The following KALRN variants were observed in gnomAD, a reference collection of about 807,000 sequenced individuals.
The protein encoded by KALRN is kalirin RhoGEF kinase.
A neutral mutation model predicts 353.7 loss-of-function variants in KALRN; 70 were observed. That is an observed-to-expected ratio of 0.20 (90% CI 0.16 to 0.24). The LOEUF is 0.24. Among genes scored for constraint, KALRN ranks in the 10% least tolerant of loss-of-function variants. The pLI is 1.00. For missense variants in KALRN, 2,791 were observed against 3,756.7 expected (o/e 0.74, Z 6.72); for synonymous variants, 1,391 against 1,434.8 (o/e 0.97, Z 0.69).
chr3:124,626,632 A>G (rs954915951), intron 34 of KALRN, among the ~76,000 whole-genome samples: 1 of 152,206 alleles, frequency 6.6e-6, no homozygotes, highest in Admixed American at 6.5e-5. Context: ...GGCAGTTTCT[A>G]AAGCTTCTTT....
At chr3:124,308,246 A>G (rs987991362) in intron 6 of KALRN, among the ~76,000 whole-genome samples, 9 of 152,048 alleles carry the variant, frequency 5.9e-5, no homozygotes, top group Middle Eastern at 3.2e-3. Context: ...ACCCCCTTTT[A>G]ATAATGGATG....
chr3:124,538,591 G>A (rs2068737743), intron 33 of KALRN, among the ~76,000 whole-genome samples: 1 of 152,200 alleles, frequency 6.6e-6, no homozygotes, highest in African/African-American at 2.4e-5. Context: ...GAGCAGGAGG[G>A]AGACAGACCT....
At chr3:124,115,206 A>C (rs1257148902) in intron 1 of KALRN, among the ~76,000 whole-genome samples, 1 of 152,194 alleles carries the variant, frequency 6.6e-6, no homozygotes, top group Non-Finnish European at 1.5e-5. Context: ...AATGTGTATG[A>C]AGGAGATTAG....
chr3:124,106,251 T>A (rs2149464037), intron 1 of KALRN, among the ~76,000 whole-genome samples: 1 of 152,006 alleles, frequency 6.6e-6, no homozygotes, highest in Admixed American at 6.5e-5. Flanking sequence ...GTAGAAAAAG[T>A]GAAAAATGAG....
Position 124,632,424 on chromosome 3 carries a change from A to G in KALRN, c.5187A>G (p.Ala1729=). The G allele has an allele frequency of 6.2e-7, 1 of 1,613,666 alleles. No individual in the cohort carries two copies. The highest frequency in any genetic ancestry group is 1.1e-5 in the South Asian group (1 of 91,056). Residue 1729 remains alanine (A), a synonymous_variant, in exon 35 of 60, where the codon GCA becomes GCG. Transcript: ENST00000682506. ...MDCFFPLVKD[A]YSHSSSENGG... Reference sequence around the variant, plus strand: ...GTGTCTGTCCGTTTTCCTCAGATGCATACTCTCATTCCTCAAGCGAGAATG... The same window carrying G: ...GTGTCTGTCCGTTTTCCTCAGATGCGTACTCTCATTCCTCAAGCGAGAATG...
At chr3:124,247,951 A>C (rs957433680) in intron 3 of KALRN, among the ~76,000 whole-genome samples, 1 of 152,358 alleles carries the variant, frequency 6.6e-6, no homozygotes, top group East Asian at 1.9e-4. Context: ...TTTAGAAAAA[A>C]AGATTTATTC....
chr3:124,060,051 TCTC>T (rs2041871614), intron 1 of KALRN, among the ~76,000 whole-genome samples: 2 of 152,162 alleles, frequency 1.3e-5, no homozygotes, highest in African/African-American at 4.8e-5. Context: ...TTGCCAGACT[TCTC>T]CTGAGAATCT....
intron 13 of KALRN, chr3:124,410,062 G>T: frequency 2.7e-6 from 1 of 372,542 alleles, no homozygotes. Flanking sequence ...AGGGTAAGGA[G>T]AGGAGATGAA....
intron 1 of KALRN, among the ~76,000 whole-genome samples, chr3:124,149,959 T>C (rs1031145059): frequency 6.6e-6 from 1 of 152,244 alleles, no homozygotes. Flanking sequence ...GTTTCTTGGC[T>C]TGGCTTATTG....
chr3:124,195,083 A>G (rs1560199756), intron 1 of KALRN, among the ~76,000 whole-genome samples: 1 of 152,142 alleles, frequency 6.6e-6, no homozygotes, highest in Non-Finnish European at 1.5e-5. Flanking sequence ...CTGTTTGCAA[A>G]GTTGGCTTAT....
chr3:124,220,420 C>G (rs1352713505), intron 1 of KALRN, among the ~76,000 whole-genome samples: 1 of 151,498 alleles, frequency 6.6e-6, no homozygotes, highest in African/African-American at 2.4e-5. Context: ...GTGTGTGTAT[C>G]TTTCTCTCTA....
chr3:124,349,747 A>T (rs554213931), intron 10 of KALRN, among the ~76,000 whole-genome samples: 2 of 152,218 alleles, frequency 1.3e-5, no homozygotes, highest in Non-Finnish European at 2.9e-5. Context: ...CTCATAGCCA[A>T]TGAGGACCTT....
chr3:124,674,875 T>C, intron 49 of KALRN: 2 of 372,228 alleles, frequency 5.4e-6, no homozygotes, highest in Non-Finnish European at 4.8e-6. Flanking sequence ...TTTTCCCCCT[T>C]TCTCCCCCAC....
intron 33 of KALRN, among the ~76,000 whole-genome samples, chr3:124,534,730 G>A (rs973417071): frequency 6.6e-6 from 1 of 152,096 alleles, no homozygotes; most frequent in African/African-American, 2.4e-5. Flanking sequence ...GATATGAGGT[G>A]TCTAATTCTA....
chr3:124,629,590 T>C (rs1299040891), intron 34 of KALRN, among the ~76,000 whole-genome samples: 1 of 152,212 alleles, frequency 6.6e-6, no homozygotes, highest in Admixed American at 6.5e-5. Context: ...TCCTGCTGTT[T>C]CTCCCTTTTG....
At chr3:124,209,225 CCAGGTGCAGTGGCT>C (rs902425283) in intron 1 of KALRN, among the ~76,000 whole-genome samples, 4 of 151,936 alleles carry the variant, frequency 2.6e-5, no homozygotes, top group African/African-American at 9.7e-5. Flanking sequence ...CATGTCTGGG[CCAGGTGCAGTGGCT>C]CACACCTGTA....
intron 33 of KALRN, among the ~76,000 whole-genome samples, chr3:124,525,294 G>A (rs2067493132): frequency 6.6e-6 from 1 of 152,094 alleles, no homozygotes; most frequent in South Asian, 2.1e-4. Flanking sequence ...TTTCTGGGAT[G>A]GTGGAATAAG....
Position 124,633,898 on chromosome 3 carries a change from C to T in KALRN, c.5513C>T (p.Thr1838Ile). ...GEDEPDEESH[T>I]PLPPPMKIFD... ...GATGAGCCGGATGAAGAGTCACACA[C>T]ACCCCTCCCACCACCTATGAAGATT... is the stretch of plus-strand genomic sequence containing the variant. The change falls in exon 36 of 60, where the codon ACA becomes ATA. Residue 1838 changes from threonine (T) to isoleucine (I), a missense_variant. Physicochemically the swap from Thr to Ile is moderately conservative, Grantham distance 89. Transcript: ENST00000682506. The T allele has an allele frequency of 5.0e-6, 8 of 1,614,136 alleles. No homozygotes were observed. The highest frequency in any genetic ancestry group is 6.8e-6 in the Non-Finnish European group (8 of 1,180,008).
At chr3:124,611,663 T>G (rs557679467) in intron 34 of KALRN, among the ~76,000 whole-genome samples, 1 of 152,210 alleles carries the variant, frequency 6.6e-6, no homozygotes, top group Non-Finnish European at 1.5e-5. Flanking sequence ...CCGGCCCCTT[T>G]TAAAACACTC....
Sources: gnomAD v4.1 joint callset for allele counts (sites outside exome capture counted in the v4.1 genomes callset) on GRCh38, gnomAD v4.1.1 for gene constraint, MANE v1.5 for transcripts, NCBI Gene and HGNC (gene_info 2026-07-23, HGNC 2026-07-21) for gene names.